Variants in SNTA1 observed in about 807,000 individuals in gnomAD.
SNTA1 encodes the protein alpha-1-syntrophin.
SNTA1 carries 31 observed loss-of-function variants against 47.1 expected under a neutral mutation model. The ratio of observed to expected loss-of-function variants is 0.66; its 90% confidence interval spans 0.49 to 0.89. The LOEUF (loss-of-function observed/expected upper bound fraction) is 0.89. SNTA1 is among the 40% of genes least tolerant of loss of function. The pLI is 0.00. For synonymous variants in SNTA1, 300 were observed against 313.6 expected (o/e 0.96, Z 0.46); for missense variants, 575 against 693.0 (o/e 0.83, Z 1.91).
chr20:33,443,629 C>T lies in SNTA1; in HGVS notation c.-9G>A. On this transcript the variant is annotated 5_prime_UTR_variant, in exon 1 of 8. Transcript: ENST00000217381. ...CGCCTGCCGGACGCCATCTTCGCCT[C>T]CGAGCCCCCGGGCCGCCGCGCTCGC... 2 of 1,210,254 alleles carry T rather than the reference C, an allele frequency of 1.7e-6. No individual in the cohort carries two copies. Among genetic ancestry groups the T allele is most frequent in the African/African-American group, 3.2e-5 (2 of 62,384 alleles). The allele number at this position is 1,210,254 out of a possible 1,614,324, so 75.0% of individuals were successfully genotyped here. A position where few individuals can be genotyped will look rare whatever the true frequency, so the allele number is the denominator to read the frequency against.
At chr20:33,438,742 C>A (rs1990503392) in intron 2 of SNTA1, 99 bp downstream of exon 2, 1 of 1,023,686 alleles carries the variant, frequency 9.8e-7, no homozygotes, top group African/African-American at 1.6e-5. Context: ...CCTCCCAGCC[C>A]CCAGTGCTGG....
chr20:33,443,398 G>T lies in SNTA1; in HGVS notation c.223C>A (p.Pro75Thr). Residue 75 changes from proline (P) to threonine (T), a missense_variant, in exon 1 of 8, where the codon CCG becomes ACG. Transcript: ENST00000217381. ...NGAAEPGAGP[P>T]QLPEALLLQR... ...AGCAGTAGCGCCTCTGGCAGCTGCG[G>T]GGGCCCGGCGCCCGGCTCCGCGGCG... 1 of 1,360,482 alleles carries T rather than the reference G, an allele frequency of 7.4e-7. No homozygotes were observed. Among genetic ancestry groups the T allele is most frequent in the East Asian group, 3.2e-5 (1 of 31,724 alleles). The allele number at this position is 1,360,482 out of a possible 1,614,324, so 84.3% of individuals were successfully genotyped here.
intron 3 of SNTA1, among the ~76,000 whole-genome samples, chr20:33,415,095 G>C (rs538158250): frequency 6.6e-6 from 1 of 151,116 alleles, no homozygotes; most frequent in East Asian, 1.9e-4. Context: ...TAGGTACTCA[G>C]GCATGTACAT....
In SNTA1 at chr20:33,424,516, T is replaced by TA. The variant is rs1053698288; in HGVS notation, c.497-6594dup. Among the ~76,000 whole-genome samples, 327 of 141,610 alleles carry TA rather than the reference T, an allele frequency of 2.3e-3. 1 individual carries two copies. Among genetic ancestry groups the TA allele is most frequent in the African/African-American group, 7.0e-3 (269 of 38,688 alleles). The allele number at this position is 141,610 out of a possible 152,430, so 92.9% of individuals were successfully genotyped here. A position where few individuals can be genotyped will look rare whatever the true frequency, so the allele number is the denominator to read the frequency against. On this transcript the variant is annotated intron_variant, in intron 2 of 7. Transcript: ENST00000217381. Reference sequence around the variant, plus strand: ...TAGGGAGACCCTGTCTTGAAAAAATTAAAAAAAAAAAAATTTTGAGACAGG... The same window carrying TA: ...TAGGGAGACCCTGTCTTGAAAAAATTAAAAAAAAAAAAAATTTTGAGACAGG...
chr20:33,443,480 G>T lies in SNTA1; in HGVS notation c.141C>A (p.Gly47=). ...EDVLTVSPAD[G]DPGPEPGAPR... ...GAGCGCCGGGCTCGGGACCAGGGTCGCCGTCGGCGGGGCTCACGGTCAGCA... is the reference window on the plus strand; with the variant it reads ...GAGCGCCGGGCTCGGGACCAGGGTCTCCGTCGGCGGGGCTCACGGTCAGCA... Residue 47 remains glycine (G), a synonymous_variant, in exon 1 of 8, where the codon GGC becomes GGA. Coordinates refer to ENST00000217381, the MANE Select transcript of SNTA1 (RefSeq NM_003098.3). 1 of 1,377,844 alleles carries T rather than the reference G, an allele frequency of 7.3e-7. No homozygotes were observed. The highest frequency in any genetic ancestry group is 9.4e-7 in the Non-Finnish European group (1 of 1,060,930). The allele number at this position is 1,377,844 out of a possible 1,614,324, so 85.4% of individuals were successfully genotyped here.
rs552315106 is a variant in SNTA1, at chr20:33,417,853, T to A, written c.567A>T (p.Ser189=). 253 of 1,613,842 alleles carry A rather than the reference T, an allele frequency of 1.6e-4. 3 individuals are homozygous for A. In the South Asian group the frequency reaches 2.7e-3, roughly 17 times the overall value. The change falls in exon 3 of 8, where the codon TCA becomes TCT. Residue 189 remains serine, a synonymous_variant. Transcript: ENST00000217381. ...STGGTSVGWD[S]PPASPLQRQP... is the part of the protein sequence containing the mutation. Reference sequence around the variant, plus strand: ...GCCGCTGAAGGGGTGAGGCAGGAGGTGAGTCCCAGCCGACCGAGGTCCCAC... The same window carrying A: ...GCCGCTGAAGGGGTGAGGCAGGAGGAGAGTCCCAGCCGACCGAGGTCCCAC...
intron 2 of SNTA1, among the ~76,000 whole-genome samples, chr20:33,438,593 TC>T (rs1382795171): frequency 1.3e-5 from 2 of 152,192 alleles, no homozygotes; most frequent in Non-Finnish European, 2.9e-5. Flanking sequence ...AAGTGACTTG[TC>T]CAGGGCTACA....
intron 2 of SNTA1, among the ~76,000 whole-genome samples, chr20:33,423,579 A>G (rs1735441130): frequency 1.3e-5 from 2 of 152,130 alleles, no homozygotes. Context: ...CCCAATTTCC[A>G]GGGAGCTCCA....
chr20:33,429,844 C>G (rs1202240281), intron 2 of SNTA1, among the ~76,000 whole-genome samples: 2 of 152,092 alleles, frequency 1.3e-5, no homozygotes, highest in East Asian at 3.9e-4. Context: ...CTCACTCCAT[C>G]CTCCACATCC....
Position 33,443,503 on chromosome 20 carries a change from GC to G in SNTA1, c.117del (p.Leu40Ter). ...TCGCCGTCGGCGGGGCTCACGGTCA[GC>G]ACGTCCTCCGCCAGACTCAGCAGCA... is the stretch of plus-strand genomic sequence containing the variant. ...QRVLLSLAED[V>X]LTVSPADGDP... On this transcript the variant is annotated frameshift_variant, in exon 1 of 8. Transcript: ENST00000217381. LOFTEE classifies it high-confidence loss of function. The G allele has an allele frequency of 7.2e-7, 1 of 1,380,060 alleles. No homozygotes were observed. The highest frequency in any genetic ancestry group is 9.4e-7 in the Non-Finnish European group (1 of 1,061,754). 85.5% of individuals were successfully genotyped at this position (1,380,060 alleles called of 1,614,324 possible).
intron 2 of SNTA1, among the ~76,000 whole-genome samples, chr20:33,421,474 T>C (rs1360424119): frequency 6.6e-6 from 1 of 151,794 alleles, no homozygotes; most frequent in Non-Finnish European, 1.5e-5. Flanking sequence ...AGCCAGGCCA[T>C]GGTAGTGCAC....
chr20:33,425,103 G>A (rs558279946), intron 2 of SNTA1, among the ~76,000 whole-genome samples: 8 of 151,290 alleles, frequency 5.3e-5, no homozygotes, highest in Non-Finnish European at 8.8e-5. Context: ...GTGACAGAGC[G>A]AGACTCCATC....
chr20:33,425,829 C>T (rs1257160813), intron 2 of SNTA1, among the ~76,000 whole-genome samples: 1 of 152,096 alleles, frequency 6.6e-6, no homozygotes, highest in African/African-American at 2.4e-5. Context: ...CCCAGTGCTT[C>T]GCGAGGTCGA....
At chr20:33,432,314 C>A (rs1990329442) in intron 2 of SNTA1, among the ~76,000 whole-genome samples, 1 of 152,184 alleles carries the variant, frequency 6.6e-6, no homozygotes, top group African/African-American at 2.4e-5. Context: ...AGGGAGCTGG[C>A]CTTAGAGTTC....
chr20:33,441,174 T>C (rs1990567589), intron 1 of SNTA1, among the ~76,000 whole-genome samples: 1 of 152,224 alleles, frequency 6.6e-6, no homozygotes. Flanking sequence ...GTCTTTACAA[T>C]ACCCCATCAC....
intron 2 of SNTA1, 128 bp downstream of exon 2, chr20:33,438,711 TTC>T: frequency 1.2e-6 from 1 of 829,794 alleles, no homozygotes; most frequent in East Asian, 2.4e-5. Context: ...CAAATTCTGT[TTC>T]TGTTTTCAGT....
At chr20:33,440,654 A>AG (rs1177911845) in intron 1 of SNTA1, among the ~76,000 whole-genome samples, 1 of 151,386 alleles carries the variant, frequency 6.6e-6, no homozygotes, top group Non-Finnish European at 1.5e-5. Flanking sequence ...TCAAAATAAA[A>AG]CAAAAATACA....
At chr20:33,430,066 ACCAAG>A (rs1990264975) in intron 2 of SNTA1, among the ~76,000 whole-genome samples, 1 of 152,068 alleles carries the variant, frequency 6.6e-6, no homozygotes, top group South Asian at 2.1e-4. Flanking sequence ...ACCACCACAT[ACCAAG>A]CCATACAAGC....
At chr20:33,414,952 T>C (rs991439112) in intron 3 of SNTA1, among the ~76,000 whole-genome samples, 3 of 152,174 alleles carry the variant, frequency 2.0e-5, no homozygotes, top group Non-Finnish European at 4.4e-5. Context: ...TGCAGCCCAG[T>C]GCAATCCTAA....
Sources: gnomAD v4.1 joint callset for allele counts (sites outside exome capture counted in the v4.1 genomes callset) on GRCh38, gnomAD v4.1.1 for gene constraint, MANE v1.5 for transcripts, NCBI Gene and HGNC (gene_info 2026-07-23, HGNC 2026-07-21) for gene names.